Variants in CPED1 observed in about 807,000 individuals in gnomAD.
CPED1 encodes cadherin-like and PC-esterase domain-containing protein 1.
CPED1 carries 114 observed loss-of-function variants against 128.2 expected under a neutral mutation model. That is an observed-to-expected ratio of 0.89 (90% CI 0.76 to 1.04). The LOEUF (loss-of-function observed/expected upper bound fraction) is 1.04, where lower values mean the gene tolerates loss of function less well. Among genes scored for constraint, CPED1 ranks in the 50% least tolerant of loss-of-function variants. The pLI is 0.00. For synonymous variants in CPED1, 462 were observed against 426.7 expected, an observed-to-expected ratio of 1.08 and a Z score of -1.02; for missense variants, 1,211 against 1,207.1, an observed-to-expected ratio of 1.00 and a Z score of -0.05.
In CPED1 at chr7:120,989,429, A is replaced by G. The variant is rs902770295; in HGVS notation, c.-193A>G. On this transcript the variant is annotated 5_prime_UTR_variant, in exon 2 of 23. Transcript: ENST00000310396. ...GACTGTCATCCATGGAAGAGCTCTT[A>G]TTAAAAGCCTCAGACTTTCGGGACC... 4.8e-5 allele frequency: 30 copies of G among 624,452 alleles called. No homozygotes were observed. The highest frequency in any genetic ancestry group is 2.0e-4 in the South Asian group (10 of 49,722). The allele number at this position is 624,452 out of a possible 1,614,324, so 38.7% of individuals were successfully genotyped here. A position where few individuals can be genotyped will look rare whatever the true frequency, so the allele number is the denominator to read the frequency against.
chr7:121,258,233 G>A (rs1791928758), intron 18 of CPED1, among the ~76,000 whole-genome samples: 1 of 152,180 alleles, frequency 6.6e-6, no homozygotes, highest in South Asian at 2.1e-4. Context: ...CAACTTTTTT[G>A]ATATTATGTT....
chr7:121,101,404 A>G (rs185171983), intron 7 of CPED1, among the ~76,000 whole-genome samples: 4 of 152,200 alleles, frequency 2.6e-5, no homozygotes, highest in Non-Finnish European at 5.9e-5. Context: ...ATTTGTTTTC[A>G]TGATTTCTTG....
At chr7:121,046,830 T>C in intron 3 of CPED1, 57 bp from the exon 4 acceptor site, 6 of 1,128,042 alleles carry the variant, frequency 5.3e-6, no homozygotes, top group Non-Finnish European at 7.7e-6. Flanking sequence ...GAATTAAATA[T>C]TGCTTTTAAA....
In CPED1 at chr7:121,116,975, T is replaced by C. The variant is rs868107954; in HGVS notation, c.919-7356T>C. ...CTCTCTCTCTCTCTATATATATATA[T>C]ATACACACACACACACATATATATA... On this transcript the variant is annotated intron_variant, in intron 7 of 22. Coordinates refer to ENST00000310396, the MANE Select transcript of CPED1 (RefSeq NM_024913.5). 5.0e-3 allele frequency among the ~76,000 whole-genome samples: 723 copies of C among 144,840 alleles called. 8 individuals are homozygous for C. Among genetic ancestry groups the C allele is most frequent in the African/African-American group, 0.018 (695 of 39,078 alleles).
chr7:121,237,628 C>T (rs994774917), intron 17 of CPED1, among the ~76,000 whole-genome samples: 4 of 152,072 alleles, frequency 2.6e-5, no homozygotes, highest in African/African-American at 9.7e-5. Context: ...CCTTCAAAGC[C>T]GTTAGAGGAA....
At chr7:121,182,685 G>T (rs575980701) in intron 16 of CPED1, among the ~76,000 whole-genome samples, 2 of 152,172 alleles carry the variant, frequency 1.3e-5, no homozygotes, top group Admixed American at 1.3e-4. Flanking sequence ...TGGTCAGATT[G>T]TAAGTTCTAT....
intron 22 of CPED1, among the ~76,000 whole-genome samples, chr7:121,273,751 C>A (rs1333649401): frequency 6.6e-6 from 1 of 152,120 alleles, no homozygotes; most frequent in East Asian, 1.9e-4. Flanking sequence ...TGTTGCAGAA[C>A]AGATTTTAAG....
At chr7:121,144,710 A>G (rs1464226182) in intron 16 of CPED1, among the ~76,000 whole-genome samples, 1 of 152,082 alleles carries the variant, frequency 6.6e-6, no homozygotes, top group African/African-American at 2.4e-5. Flanking sequence ...AAGAAATGAC[A>G]CATACTTGAG....
chr7:121,133,731 C>A, intron 12 of CPED1, 92 bp from the exon 13 acceptor site: 1 of 821,218 alleles, frequency 1.2e-6, no homozygotes, highest in Non-Finnish European at 2.0e-6. Context: ...AGTAACTGTG[C>A]CCATACAGAA....
intron 22 of CPED1, among the ~76,000 whole-genome samples, chr7:121,292,145 C>T (rs1050127503): frequency 2.0e-5 from 3 of 151,968 alleles, no homozygotes; most frequent in African/African-American, 7.3e-5. Context: ...TTCAGGTACA[C>T]CAATCAAATG....
chr7:121,235,290 TATA>T (rs1798226126), intron 16 of CPED1, among the ~76,000 whole-genome samples: 1 of 152,124 alleles, frequency 6.6e-6, no homozygotes, highest in Non-Finnish European at 1.5e-5. Context: ...ATTGCTTTAT[TATA>T]ATAAGCACTT....
intron 18 of CPED1, among the ~76,000 whole-genome samples, chr7:121,260,223 G>GTTTTTTTTT (rs59370305): frequency 1.4e-5 from 1 of 70,014 alleles, no homozygotes; most frequent in African/African-American, 5.7e-5. Context: ...CTTGCTTCGC[G>GTTTTTTTTT]TTTTTTTTTT....
At chr7:121,225,841 G>A (rs1167284828) in intron 16 of CPED1, among the ~76,000 whole-genome samples, 1 of 151,992 alleles carries the variant, frequency 6.6e-6, no homozygotes, top group East Asian at 1.9e-4. Context: ...GTCATTTAAG[G>A]TCTTCTCTAC....
chr7:121,209,888 C>T (rs1797606018), intron 16 of CPED1, among the ~76,000 whole-genome samples: 1 of 151,768 alleles, frequency 6.6e-6, no homozygotes, highest in Non-Finnish European at 1.5e-5. Flanking sequence ...ACACATAAAC[C>T]ATATAAACAA....
chr7:121,231,862 G>A (rs965272690), intron 16 of CPED1, among the ~76,000 whole-genome samples: 3 of 152,070 alleles, frequency 2.0e-5, no homozygotes, highest in African/African-American at 7.2e-5. Flanking sequence ...AGCATCCCTG[G>A]CTTGAATGAA....
intron 16 of CPED1, among the ~76,000 whole-genome samples, chr7:121,203,847 AG>A (rs1797459092): frequency 6.6e-6 from 1 of 152,144 alleles, no homozygotes; most frequent in Non-Finnish European, 1.5e-5. Flanking sequence ...GAATAAAGAA[AG>A]AAAAAGGATG....
intron 16 of CPED1, among the ~76,000 whole-genome samples, chr7:121,202,853 A>G (rs1221143507): frequency 1.3e-5 from 2 of 152,172 alleles, no homozygotes; most frequent in Non-Finnish European, 2.9e-5. Context: ...AGCTGAGTCA[A>G]TGCTATAACC....
chr7:121,189,244 C>A lies in CPED1; in HGVS notation c.2055+47103C>A, dbSNP rs139585555. Among the ~76,000 whole-genome samples, 831 of 152,200 alleles carry A rather than the reference C, an allele frequency of 5.5e-3. 6 individuals are homozygous for A. The highest frequency in any genetic ancestry group is 0.018 in the African/African-American group (766 of 41,536). On this transcript the variant is annotated intron_variant, in intron 16 of 22. Transcript: ENST00000310396. ...ATCAATGAAGGTGTATTAATCCATTCTCACACTGCTATAAAGAACTACCTG... is the reference window on the plus strand; with the variant it reads ...ATCAATGAAGGTGTATTAATCCATTATCACACTGCTATAAAGAACTACCTG...
chr7:121,286,119 G>T (rs1792564373), intron 22 of CPED1, among the ~76,000 whole-genome samples: 1 of 152,176 alleles, frequency 6.6e-6, no homozygotes, highest in Non-Finnish European at 1.5e-5. Flanking sequence ...AAGGAGAAGT[G>T]CATGGTGAAG....
Sources: gnomAD v4.1 joint callset for allele counts (sites outside exome capture counted in the v4.1 genomes callset) on GRCh38, gnomAD v4.1.1 for gene constraint, MANE v1.5 for transcripts, NCBI Gene and HGNC (gene_info 2026-07-23, HGNC 2026-07-21) for gene names.